The following KDM4C variants were observed in gnomAD, a reference collection of about 807,000 sequenced individuals.
KDM4C encodes lysine-specific demethylase 4C.
A neutral mutation model predicts 129.3 loss-of-function variants in KDM4C; 81 were observed. That is an observed-to-expected ratio of 0.63 (90% confidence interval 0.52 to 0.75). KDM4C has a LOEUF of 0.75. KDM4C is among the 30% of genes least tolerant of loss of function. KDM4C has a pLI of 0.00. For synonymous variants in KDM4C, 573 were observed against 456.1 expected (o/e 1.26, Z -3.26); for missense variants, 1,457 against 1,304.0 (o/e 1.12, Z -1.81).
At chr9:6,867,015 A>T (rs13291967) in intron 5 of KDM4C, among the ~76,000 whole-genome samples, 83 of 114,256 alleles carry the variant, frequency 7.3e-4, no homozygotes, top group African/African-American at 1.9e-3. Context: ...ATATATATAT[A>T]TATTTTTTTT....
At chr9:7,037,772 G>A (rs1314577876) in intron 15 of KDM4C, among the ~76,000 whole-genome samples, 2 of 152,092 alleles carry the variant, frequency 1.3e-5, no homozygotes, top group Non-Finnish European at 2.9e-5. Flanking sequence ...TTTAAATGCT[G>A]TTCTTTGGAG....
intron 4 of KDM4C, among the ~76,000 whole-genome samples, chr9:6,847,945 C>T (rs1838155539): frequency 6.6e-6 from 1 of 152,202 alleles, no homozygotes; most frequent in South Asian, 2.1e-4. Context: ...AACAGAACAA[C>T]TCTAAAAGCT....
At chr9:7,168,890 A>G (rs1460643834) in intron 20 of KDM4C, among the ~76,000 whole-genome samples, 1 of 151,930 alleles carries the variant, frequency 6.6e-6, no homozygotes, top group Non-Finnish European at 1.5e-5. Flanking sequence ...ACTACAATAA[A>G]ATAAAATAGC....
intron 8 of KDM4C, chr9:6,925,384 T>G: frequency 1.0e-6 from 1 of 985,248 alleles, no homozygotes; most frequent in African/African-American, 1.7e-5. Context: ...CTTTGTAAAT[T>G]AAAAGCTTTT....
chr9:6,783,662 A>C (rs1824846144), intron 1 of KDM4C, among the ~76,000 whole-genome samples: 2 of 152,202 alleles, frequency 1.3e-5, no homozygotes, highest in African/African-American at 4.8e-5. Flanking sequence ...TGACCATCAG[A>C]GAGTGAGGAG....
intron 8 of KDM4C, among the ~76,000 whole-genome samples, chr9:6,901,535 G>A (rs570276310): frequency 1.3e-5 from 2 of 152,304 alleles, no homozygotes; most frequent in Admixed American, 6.5e-5. Flanking sequence ...GGCAGGAAGC[G>A]AGACAGTGTG....
At chr9:6,759,571 A>G (rs544345366) in intron 1 of KDM4C, among the ~76,000 whole-genome samples, 1 of 152,308 alleles carries the variant, frequency 6.6e-6, no homozygotes, top group African/African-American at 2.4e-5. Context: ...TAAGCTTTAC[A>G]GTATCCCGCA....
intron 17 of KDM4C, among the ~76,000 whole-genome samples, chr9:7,079,433 C>T (rs1341006747): frequency 6.6e-6 from 1 of 152,184 alleles, no homozygotes; most frequent in African/African-American, 2.4e-5. Context: ...AGCGATTCTC[C>T]TGCCTCAACC....
chr9:6,939,961 C>CTAT (rs1563849755), intron 8 of KDM4C, among the ~76,000 whole-genome samples: 1,789 of 91,860 alleles, frequency 0.019, 18 homozygotes, highest in South Asian at 0.037. Context: ...CAATAACCAA[C>CTAT]CTACCTACCT....
intron 1 of KDM4C, among the ~76,000 whole-genome samples, chr9:6,781,724 T>G (rs557259296): frequency 6.6e-6 from 1 of 152,178 alleles, no homozygotes; most frequent in African/African-American, 2.4e-5. Context: ...GCTGGGAATG[T>G]GTGCATTGGG....
chr9:6,780,217 T>C (rs554175222), intron 1 of KDM4C, among the ~76,000 whole-genome samples: 14 of 152,294 alleles, frequency 9.2e-5, no homozygotes, highest in Admixed American at 3.3e-4. Flanking sequence ...GTATGAGATA[T>C]AATTAAAAAT....
intron 1 of KDM4C, among the ~76,000 whole-genome samples, chr9:6,772,338 G>A (rs1822026866): frequency 6.6e-6 from 1 of 150,866 alleles, no homozygotes. Context: ...TAGTAGAGAC[G>A]GGGTTTCACC....
chr9:6,762,260 C>A (rs992636763), intron 1 of KDM4C, among the ~76,000 whole-genome samples: 1 of 152,200 alleles, frequency 6.6e-6, no homozygotes, highest in Non-Finnish European at 1.5e-5. Flanking sequence ...CCCCCCACCC[C>A]ACAACAGGCC....
chr9:7,045,044 A>G (rs752261126), intron 15 of KDM4C, among the ~76,000 whole-genome samples: 1 of 152,052 alleles, frequency 6.6e-6, no homozygotes, highest in Non-Finnish European at 1.5e-5. Context: ...AGGGGAGGCT[A>G]GGAAGAGTGA....
chr9:7,023,907 A>T (rs2381533), intron 15 of KDM4C, among the ~76,000 whole-genome samples: 7,571 of 152,278 alleles, frequency 0.05, 224 homozygotes, highest in South Asian at 0.099. Context: ...ATTCAGGAGC[A>T]TATTGTTTCA....
intron 1 of KDM4C, among the ~76,000 whole-genome samples, chr9:6,772,468 T>A (rs1449375935): frequency 6.6e-6 from 1 of 152,128 alleles, no homozygotes; most frequent in African/African-American, 2.4e-5. Flanking sequence ...TTCAAGCGAT[T>A]CTCCTGCCTC....
intron 20 of KDM4C, among the ~76,000 whole-genome samples, chr9:7,168,228 T>TG (rs1844606208): frequency 6.6e-6 from 1 of 152,130 alleles, no homozygotes; most frequent in Non-Finnish European, 1.5e-5. Flanking sequence ...AGTGTAAATT[T>TG]TTTTCAAACT....
chr9:7,148,711 G>C (rs1166110594), intron 19 of KDM4C, among the ~76,000 whole-genome samples: 2 of 152,208 alleles, frequency 1.3e-5, no homozygotes, highest in African/African-American at 4.8e-5. Context: ...ACAGAGAAAG[G>C]CTTTATTGGA....
chr9:6,993,130 G>A (rs1273392710), intron 12 of KDM4C, among the ~76,000 whole-genome samples: 1 of 152,060 alleles, frequency 6.6e-6, no homozygotes, highest in East Asian at 1.9e-4. Context: ...TTATTTTCCG[G>A]GAAAAGATTT....
Sources: allele counts gnomAD v4.1 joint callset (sites outside exome capture counted in the v4.1 genomes callset), GRCh38; gene constraint gnomAD v4.1.1; transcripts MANE v1.5; gene names NCBI Gene and HGNC (gene_info 2026-07-23, HGNC 2026-07-21).